The following TRDN variants were observed in gnomAD, a reference collection of about 807,000 sequenced individuals.
TRDN encodes triadin in skeletal muscle.
Under a neutral mutation model 149.7 loss-of-function variants are expected in TRDN, and 161 were observed. The observed-to-expected ratio is 1.08, with a 90% CI of 0.95 to 1.23. The LOEUF (loss-of-function observed/expected upper bound fraction) is 1.23, where lower values mean the gene tolerates loss of function less well. Ranked by LOEUF, TRDN falls within the 50% of genes most tolerant of loss-of-function variation. The probability of loss-of-function intolerance (pLI) is 0.00; values close to 1 mark genes in which losing one functional copy is unlikely to be tolerated. For synonymous variants in TRDN, 294 were observed against 250.5 expected (o/e 1.17, Z -1.64); for missense variants, 896 against 823.5 (o/e 1.09, Z -1.08).
At chr6:123,482,487 T>C (rs1246338546) in intron 9 of TRDN, among the ~76,000 whole-genome samples, 3 of 152,222 alleles carry the variant, frequency 2.0e-5, no homozygotes, top group Non-Finnish European at 4.4e-5. Context: ...TGATACTATG[T>C]TGTCATTTAA....
At chr6:123,238,494 G>GA (rs1324195459) in intron 38 of TRDN, among the ~76,000 whole-genome samples, 2 of 151,934 alleles carry the variant, frequency 1.3e-5, no homozygotes, top group African/African-American at 2.4e-5. Flanking sequence ...CATATAAAAG[G>GA]AAAAAACCCT....
intron 2 of TRDN, among the ~76,000 whole-genome samples, chr6:123,555,488 A>T (rs1165099307): frequency 1.3e-5 from 2 of 152,112 alleles, no homozygotes; most frequent in Non-Finnish European, 2.9e-5. Flanking sequence ...ACGTTTCTAA[A>T]TGTATAGTAC....
intron 32 of TRDN, among the ~76,000 whole-genome samples, chr6:123,266,089 TTA>T (rs1251997802): frequency 7.7e-6 from 1 of 130,344 alleles, no homozygotes; most frequent in Non-Finnish European, 1.6e-5. Context: ...TTTATATATA[TTA>T]TATATATTAT....
chr6:123,577,852 CATT>C (rs1782933625), intron 1 of TRDN, among the ~76,000 whole-genome samples: 1 of 152,104 alleles, frequency 6.6e-6, no homozygotes, highest in South Asian at 2.1e-4. Flanking sequence ...GATAGTATCT[CATT>C]GTAGTTTTCA....
At position 123,475,901 on chromosome 6, in the gene TRDN, C is replaced by A. The variant is rs1369370714; in HGVS notation, c.854-10918G>T. 5.3e-5 allele frequency among the ~76,000 whole-genome samples: 8 copies of A among 151,410 alleles called. No homozygotes were observed. In the South Asian group the frequency reaches 6.3e-4, roughly 12 times the overall value. ...TCTCAATAAATTAGGTATTGATGGG[C>A]CGTATTTCAAAATAATAAGAGCTAT... On this transcript the variant is annotated intron_variant, in intron 9 of 40. Transcript: ENST00000334268.
intron 6 of TRDN, among the ~76,000 whole-genome samples, chr6:123,515,923 T>G (rs1779390587): frequency 6.6e-6 from 1 of 152,130 alleles, no homozygotes; most frequent in Non-Finnish European, 1.5e-5. Context: ...GACGCAACAT[T>G]TCTGGAAAGT....
At chr6:123,596,126 C>A (rs1418318501) in intron 1 of TRDN, among the ~76,000 whole-genome samples, 1 of 152,034 alleles carries the variant, frequency 6.6e-6, no homozygotes, top group Non-Finnish European at 1.5e-5. Flanking sequence ...AAGTGCTACC[C>A]TGGTGAGGAC....
intron 23 of TRDN, among the ~76,000 whole-genome samples, chr6:123,327,836 T>C (rs941952447): frequency 6.6e-6 from 1 of 152,288 alleles, no homozygotes. Flanking sequence ...CTATATCTGA[T>C]ACAATGTTGA....
At chr6:123,629,775 G>A (rs758865646) in intron 1 of TRDN, among the ~76,000 whole-genome samples, 2 of 152,016 alleles carry the variant, frequency 1.3e-5, no homozygotes, top group Non-Finnish European at 2.9e-5. Context: ...CTTCAGGCAT[G>A]GAGATGTGGA....
chr6:123,292,959 A>G (rs1778063790), intron 24 of TRDN, among the ~76,000 whole-genome samples: 1 of 152,166 alleles, frequency 6.6e-6, no homozygotes, highest in Non-Finnish European at 1.5e-5. Flanking sequence ...TTGGGCATAG[A>G]GACCACGTTA....
rs1405283215 is a variant in TRDN at position 123,255,141 on chromosome 6, A to G, written c.1907-16T>C. The G allele has an allele frequency of 1.7e-6, 2 of 1,153,384 alleles. No homozygotes were observed. Among genetic ancestry groups the G allele is most frequent in the Admixed American group, 5.6e-5 (2 of 35,650 alleles). 71.4% of individuals were successfully genotyped at this position (1,153,384 alleles called of 1,614,324 possible). A position where few individuals can be genotyped will look rare whatever the true frequency, so the allele number is the denominator to read the frequency against. The stretch of plus-strand genomic sequence containing the variant: ...CTTGTTGAGACTGTTAATAAGGAAA[A>G]TGTAAATTAAAATATAAATTTTTAA... On this transcript the variant is annotated splice_polypyrimidine_tract_variant and intron_variant, in intron 36 of 40. Coordinates refer to ENST00000334268, the MANE Select transcript of TRDN (RefSeq NM_006073.4).
chr6:123,460,780 T>G (rs928537714), intron 10 of TRDN, among the ~76,000 whole-genome samples: 3 of 152,092 alleles, frequency 2.0e-5, no homozygotes, highest in Non-Finnish European at 4.4e-5. Flanking sequence ...TGGTAAAAAA[T>G]TATCCTATAA....
chr6:123,287,090 A>T (rs578126633), intron 24 of TRDN, among the ~76,000 whole-genome samples: 1 of 152,204 alleles, frequency 6.6e-6, no homozygotes, highest in Non-Finnish European at 1.5e-5. Context: ...AGAAGCACAG[A>T]AAGAGTGCAA....
rs1399414267 is a variant in TRDN, at chr6:123,217,471, A to T, written c.*1130T>A. 1 of 151,984 alleles carries T rather than the reference A, an allele frequency of 6.6e-6. No homozygotes were observed. Among genetic ancestry groups the T allele is most frequent in the African/African-American group, 2.4e-5 (1 of 41,416 alleles). 9.4% of individuals were successfully genotyped at this position (151,984 alleles called of 1,614,324 possible). On this transcript the variant is annotated 3_prime_UTR_variant, in exon 41 of 41. Coordinates refer to ENST00000334268, the MANE Select transcript of TRDN (RefSeq NM_006073.4). The stretch of plus-strand genomic sequence containing the variant: ...GGCATGACTTTTAGAGTTGATAAAA[A>T]CAATGTAGTAAAGAACACGAGTATT...
At chr6:123,594,127 G>A (rs142491034) in intron 1 of TRDN, among the ~76,000 whole-genome samples, 108 of 152,254 alleles carry the variant, frequency 7.1e-4, no homozygotes, top group Middle Eastern at 3.4e-3. Context: ...TGAGGCATAT[G>A]CCATCAACAT....
Position 123,404,202 on chromosome 6 carries a change from C to A in TRDN, c.1052-10525G>T, listed in dbSNP as rs148711328. ...CAAAGCAAAAATTTGGATGAAAGGACAATTAATTTTGAAGCTATGTACTGT... is the reference window on the plus strand; with the variant it reads ...CAAAGCAAAAATTTGGATGAAAGGAAAATTAATTTTGAAGCTATGTACTGT... On this transcript the variant is annotated intron_variant, in intron 12 of 40. Coordinates refer to ENST00000334268, the MANE Select transcript of TRDN (RefSeq NM_006073.4). Among the ~76,000 whole-genome samples the A allele has an allele frequency of 3.8e-3, 583 of 152,158 alleles. 2 individuals carry two copies. Among genetic ancestry groups the A allele is most frequent in the African/African-American group, 0.013 (554 of 41,520 alleles).
intron 22 of TRDN, among the ~76,000 whole-genome samples, chr6:123,335,140 T>C (rs369469695): frequency 1.1e-4 from 17 of 152,044 alleles, no homozygotes; most frequent in South Asian, 8.3e-4. Flanking sequence ...ATTTTGTCTT[T>C]GATACTTAGT....
At chr6:123,477,774 T>C (rs1297993337) in intron 9 of TRDN, among the ~76,000 whole-genome samples, 3 of 151,806 alleles carry the variant, frequency 2.0e-5, no homozygotes, top group Admixed American at 1.3e-4. Flanking sequence ...ATGGATGAAA[T>C]TGGAAATCAT....
At chr6:123,583,070 T>C (rs1040483851) in intron 1 of TRDN, among the ~76,000 whole-genome samples, 2 of 152,136 alleles carry the variant, frequency 1.3e-5, no homozygotes, top group African/African-American at 2.4e-5. Context: ...TTGGGATGAC[T>C]CAGGACATCT....
Sources: allele counts gnomAD v4.1 joint callset (sites outside exome capture counted in the v4.1 genomes callset), GRCh38; gene constraint gnomAD v4.1.1; transcripts MANE v1.5; gene names NCBI Gene and HGNC (gene_info 2026-07-23, HGNC 2026-07-21).